Variants in MAK observed in about 807,000 individuals in gnomAD.
MAK encodes the protein male germ cell associated kinase, also known as serine/threonine-protein kinase MAK.
MAK carries 65 observed loss-of-function variants against 82.6 expected under a neutral mutation model. The observed-to-expected ratio is 0.79, with a 90% confidence interval of 0.64 to 0.97. The LOEUF (loss-of-function observed/expected upper bound fraction) is 0.97, where lower values mean the gene tolerates loss of function less well. Among genes scored for constraint, MAK ranks in the 50% least tolerant of loss-of-function variants. MAK has a pLI of 0.00. For missense variants in MAK, 703 were observed against 780.2 expected (o/e 0.90, Z 1.18); for synonymous variants, 250 against 274.2 (o/e 0.91, Z 0.87).
intron 2 of MAK, among the ~76,000 whole-genome samples, chr6:10,827,544 G>A (rs1450049133): frequency 6.6e-6 from 1 of 152,064 alleles, no homozygotes; most frequent in Non-Finnish European, 1.5e-5. Flanking sequence ...CAAACAATTT[G>A]TACTGATATT....
At chr6:10,771,941 T>A (rs1039009825) in intron 13 of MAK, among the ~76,000 whole-genome samples, 11 of 152,250 alleles carry the variant, frequency 7.2e-5, no homozygotes, top group Non-Finnish European at 1.3e-4. Flanking sequence ...CTTGCTCTCA[T>A]CCTCATCAGC....
At chr6:10,818,643 A>G (rs1777679894) in intron 3 of MAK, among the ~76,000 whole-genome samples, 1 of 151,380 alleles carries the variant, frequency 6.6e-6, no homozygotes, top group Non-Finnish European at 1.5e-5. Context: ...TTGTCTTTGC[A>G]TAATATGATT....
At chr6:10,789,089 C>T (rs1221542496) in intron 10 of MAK, among the ~76,000 whole-genome samples, 1 of 148,658 alleles carries the variant, frequency 6.7e-6, no homozygotes, top group Non-Finnish European at 1.5e-5. Context: ...ATTAAACACA[C>T]AGATTAGGAA....
intron 4 of MAK, among the ~76,000 whole-genome samples, chr6:10,814,083 C>T (rs1054575377): frequency 6.6e-6 from 1 of 152,024 alleles, no homozygotes; most frequent in African/African-American, 2.4e-5. Context: ...GATTCTCCTG[C>T]TTCAGCCTCC....
At chr6:10,789,163 A>G (rs1488557172) in intron 10 of MAK, among the ~76,000 whole-genome samples, 1 of 133,304 alleles carries the variant, frequency 7.5e-6, no homozygotes, top group African/African-American at 3.1e-5. Context: ...AGCAAAAAAG[A>G]AAAAAAAAAA....
At chr6:10,798,941 T>G (rs1775801081) in intron 8 of MAK, among the ~76,000 whole-genome samples, 1 of 152,024 alleles carries the variant, frequency 6.6e-6, no homozygotes. Context: ...GCTATCCTTC[T>G]GCCTCAGCCT....
chr6:10,797,106 C>A (rs1775631875), intron 8 of MAK, among the ~76,000 whole-genome samples: 1 of 151,758 alleles, frequency 6.6e-6, no homozygotes, highest in Admixed American at 6.6e-5. Flanking sequence ...CTGAGTACAA[C>A]AATATACCTA....
intron 11 of MAK, 126 bp from the exon 12 acceptor site, chr6:10,775,585 A>G (rs2127519355): frequency 9.4e-7 from 1 of 1,062,730 alleles, no homozygotes; most frequent in Admixed American, 1.8e-5. Flanking sequence ...AATCTAGGTG[A>G]AAATGTAGCA....
intron 10 of MAK, among the ~76,000 whole-genome samples, chr6:10,785,533 C>T (rs1399124269): frequency 6.6e-6 from 1 of 152,228 alleles, no homozygotes; most frequent in African/African-American, 2.4e-5. Flanking sequence ...CTTGGGTGGC[C>T]CTTTGAACTG....
intron 4 of MAK, among the ~76,000 whole-genome samples, chr6:10,816,816 A>G (rs1415010915): frequency 6.6e-6 from 1 of 152,146 alleles, no homozygotes; most frequent in African/African-American, 2.4e-5. Flanking sequence ...TTAACAGAAT[A>G]TATTATTTAT....
chr6:10,807,670 G>A (rs1480520803), intron 6 of MAK, among the ~76,000 whole-genome samples: 2 of 151,964 alleles, frequency 1.3e-5, no homozygotes, highest in Non-Finnish European at 2.9e-5. Flanking sequence ...TTTCACTGGA[G>A]TATAATATTC....
At chr6:10,774,093 T>C (rs988546948) in intron 12 of MAK, among the ~76,000 whole-genome samples, 1 of 152,180 alleles carries the variant, frequency 6.6e-6, no homozygotes, top group African/African-American at 2.4e-5. Flanking sequence ...TAATTCTTTT[T>C]TCCCTTAAAA....
chr6:10,788,062 G>C lies in MAK; in HGVS notation c.1317-3490C>G, dbSNP rs539119774. On this transcript the variant is annotated intron_variant, in intron 10 of 14. Coordinates refer to ENST00000354489, the MANE Select transcript of MAK (RefSeq NM_001242957.3). ...GTGTCTCGCTCTGTTGCCCAGGCTGGGGTGCAGTGGCTCGGCCTTCCAAGC... is the reference window on the plus strand; with the variant it reads ...GTGTCTCGCTCTGTTGCCCAGGCTGCGGTGCAGTGGCTCGGCCTTCCAAGC... Among the ~76,000 whole-genome samples the C allele has an allele frequency of 2.6e-5, 4 of 151,774 alleles. No homozygotes were observed. The South Asian group carries it at 8.3e-4, about 32-fold the overall frequency.
At chr6:10,803,097 T>C (rs1469824180) in intron 7 of MAK, among the ~76,000 whole-genome samples, 2 of 152,204 alleles carry the variant, frequency 1.3e-5, no homozygotes, top group East Asian at 1.9e-4. Flanking sequence ...AGGCTGTCTG[T>C]ACAGTGTCAG....
chr6:10,832,493 C>T (rs1284876911), intron 1 of MAK, among the ~76,000 whole-genome samples: 3 of 152,220 alleles, frequency 2.0e-5, no homozygotes, highest in Admixed American at 1.3e-4. Flanking sequence ...CTTCAGCAGC[C>T]ACCACCCTGA....
chr6:10,797,523 G>A (rs987799345), intron 8 of MAK: 2 of 880,788 alleles, frequency 2.3e-6, no homozygotes, highest in South Asian at 5.2e-5. Context: ...GGTTCACAAC[G>A]TCAGTAAGGC....
intron 7 of MAK, 186 bp from the exon 8 acceptor site, chr6:10,802,245 A>G: frequency 1.8e-6 from 1 of 563,792 alleles, no homozygotes; most frequent in Non-Finnish European, 3.1e-6. Flanking sequence ...GTATAGAAAG[A>G]ACATTAAGCT....
chr6:10,781,980 T>A (rs1231028522), intron 11 of MAK, among the ~76,000 whole-genome samples: 1 of 151,914 alleles, frequency 6.6e-6, no homozygotes, highest in East Asian at 1.9e-4. Flanking sequence ...ACGAGGTGGG[T>A]GGATCACCTG....
intron 5 of MAK, among the ~76,000 whole-genome samples, chr6:10,813,015 C>T (rs1348840030): frequency 5.7e-5 from 8 of 139,216 alleles, no homozygotes; most frequent in African/African-American, 8.0e-5. Context: ...TCCCCCCCCC[C>T]GCCTCGGCCT....
Sources: gnomAD v4.1 joint callset for allele counts (sites outside exome capture counted in the v4.1 genomes callset) on GRCh38, gnomAD v4.1.1 for gene constraint, MANE v1.5 for transcripts, NCBI Gene and HGNC (gene_info 2026-07-23, HGNC 2026-07-21) for gene names.